PCDHGB2: variants seen among roughly 807,000 people sequenced by gnomAD.
PCDHGB2 encodes the protein protocadherin gamma subfamily B, 2.
A neutral mutation model predicts 59.3 loss-of-function variants in PCDHGB2; 55 were observed. The observed-to-expected ratio is 0.93, with a 90% confidence interval of 0.75 to 1.16. The LOEUF (loss-of-function observed/expected upper bound fraction) is 1.16, where lower values mean the gene tolerates loss of function less well. Among genes scored for constraint, PCDHGB2 ranks in the 50% most tolerant of loss-of-function variants. The pLI, the probability that PCDHGB2 is intolerant of heterozygous loss-of-function variation, is 0.00. For missense variants in PCDHGB2, 1,228 were observed against 1,198.5 expected, an observed-to-expected ratio of 1.02 and a Z score of -0.36; for synonymous variants, 516 against 512.0, an observed-to-expected ratio of 1.01 and a Z score of -0.11.
intron 1 of PCDHGB2, chr5:141,383,337 A>G (rs1185721914): frequency 6.2e-7 from 1 of 1,614,066 alleles, no homozygotes; most frequent in East Asian, 2.2e-5. Flanking sequence ...TGGAGAATAC[A>G]GCTCCTGGGG....
rs758982878 is a variant in PCDHGB2, at chr5:141,366,077, G to A, written c.2421+3521G>A. 1.9e-6 allele frequency: 3 copies of A among 1,614,248 alleles called. No individual in the cohort carries two copies. The South Asian group carries it at 3.3e-5, about 18-fold the overall frequency. ...CGTGGAGCTGGCGCCTCGCTCCGCA[G>A]AACCTGGCTACCTGGTGACCAAGGT... On this transcript the variant is annotated intron_variant, in intron 1 of 3. Coordinates refer to ENST00000522605, the MANE Select transcript of PCDHGB2 (RefSeq NM_018923.3).
At chr5:141,371,409 G>T in intron 1 of PCDHGB2, 2 of 1,614,022 alleles carry the variant, frequency 1.2e-6, no homozygotes, top group Non-Finnish European at 1.7e-6. Flanking sequence ...AGATATTTCA[G>T]ATGAAAATGA....
At chr5:141,371,579 T>C in intron 1 of PCDHGB2, 2 of 1,613,852 alleles carry the variant, frequency 1.2e-6, no homozygotes, top group Non-Finnish European at 1.7e-6. Context: ...TTAAAATCGT[T>C]CAAGATACCA....
intron 1 of PCDHGB2, among the ~76,000 whole-genome samples, chr5:141,435,500 A>G (rs896915416): frequency 6.6e-6 from 1 of 152,176 alleles, no homozygotes; most frequent in African/African-American, 2.4e-5. Context: ...TCCTACACTA[A>G]TGATACTAAT....
At chr5:141,424,357 G>A (rs1171882619) in intron 1 of PCDHGB2, 1 of 152,122 alleles carries the variant, frequency 6.6e-6, no homozygotes, top group Non-Finnish European at 1.5e-5. Context: ...ATAAAATTTA[G>A]ATCACATTTT....
intron 2 of PCDHGB2, among the ~76,000 whole-genome samples, chr5:141,502,408 G>A (rs1197275813): frequency 6.6e-6 from 1 of 151,782 alleles, no homozygotes; most frequent in Non-Finnish European, 1.5e-5. Context: ...CCCGAACCTG[G>A]ATTTGCTGGC....
intron 1 of PCDHGB2, chr5:141,442,367 T>C (rs1304138950): frequency 6.6e-6 from 1 of 152,282 alleles, no homozygotes; most frequent in Non-Finnish European, 1.5e-5. Flanking sequence ...TATGATGCCA[T>C]ATTCCTACCA....
At chr5:141,362,623 C>T in intron 1 of PCDHGB2, 67 bp downstream of exon 1, 1 of 1,521,620 alleles carries the variant, frequency 6.6e-7, no homozygotes, top group Non-Finnish European at 8.8e-7. Flanking sequence ...TAGGAAGTTC[C>T]ACTGCGTATT....
intron 1 of PCDHGB2, chr5:141,403,237 CTG>C (rs1436614562): frequency 1.2e-6 from 2 of 1,613,942 alleles, no homozygotes; most frequent in Admixed American, 1.7e-5. Flanking sequence ...GGGAGGAGCT[CTG>C]TGCTCAGAGC....
chr5:141,421,272 G>A, intron 1 of PCDHGB2: 1 of 1,612,340 alleles, frequency 6.2e-7, no homozygotes, highest in Non-Finnish European at 8.5e-7. Context: ...GGCTGCTGCT[G>A]CTGCTGTGCA....
At chr5:141,403,050 A>G in intron 1 of PCDHGB2, 2 of 1,614,060 alleles carry the variant, frequency 1.2e-6, no homozygotes, top group Non-Finnish European at 1.7e-6. Flanking sequence ...CAGATTCGCT[A>G]CTCAGTGCCT....
At chr5:141,374,898 G>T in intron 1 of PCDHGB2, 3 of 1,613,794 alleles carry the variant, frequency 1.9e-6, no homozygotes, top group Non-Finnish European at 2.5e-6. Context: ...CAGGATGAAG[G>T]AGTCCACGGG....
intron 1 of PCDHGB2, among the ~76,000 whole-genome samples, chr5:141,462,264 G>A (rs966953621): frequency 1.3e-5 from 2 of 152,174 alleles, no homozygotes; most frequent in African/African-American, 4.8e-5. Context: ...CCAGCCTAAA[G>A]TGTATTGTTT....
chr5:141,383,514 G>A (rs778204328), intron 1 of PCDHGB2: 2 of 1,612,718 alleles, frequency 1.2e-6, no homozygotes, highest in South Asian at 2.2e-5. Context: ...GGGAGGAAGA[G>A]CGGGTTCACC....
rs375810500 is a variant in PCDHGB2, at chr5:141,364,577, A to G, written c.2421+2021A>G. On this transcript the variant is annotated intron_variant, in intron 1 of 3. Coordinates refer to ENST00000522605, the MANE Select transcript of PCDHGB2 (RefSeq NM_018923.3). ...TTTTGCCCTGAACCCGCGAAGCGGCAGCTTGGTCACCGCGGGCAGGATAGA... is the reference window on the plus strand; with the variant it reads ...TTTTGCCCTGAACCCGCGAAGCGGCGGCTTGGTCACCGCGGGCAGGATAGA... The G allele has an allele frequency of 2.9e-4, 467 of 1,614,196 alleles. No individual in the cohort carries two copies. The highest frequency in any genetic ancestry group is 3.9e-4 in the Non-Finnish European group (459 of 1,179,998).
At chr5:141,451,832 G>A (rs1190124133) in intron 1 of PCDHGB2, among the ~76,000 whole-genome samples, 1 of 150,948 alleles carries the variant, frequency 6.6e-6, no homozygotes, top group Non-Finnish European at 1.5e-5. Context: ...AGTGAGCCGA[G>A]ATCACACCAC....
intron 1 of PCDHGB2, chr5:141,404,332 C>T (rs1257075931): frequency 6.2e-7 from 1 of 1,613,916 alleles, no homozygotes; most frequent in East Asian, 2.2e-5. Context: ...ACTCAGTCTA[C>T]CTCCCGGAAA....
intron 1 of PCDHGB2, chr5:141,409,940 C>G: frequency 6.2e-7 from 1 of 1,613,236 alleles, no homozygotes. Flanking sequence ...TATGGTACCT[C>G]GCTCTGCAGA....
chr5:141,392,916 G>A, intron 1 of PCDHGB2: 1 of 1,613,936 alleles, frequency 6.2e-7, no homozygotes, highest in Non-Finnish European at 8.5e-7. Context: ...TCGCTACTCT[G>A]TGCCAGAAGA....
Sources: allele counts gnomAD v4.1 joint callset (sites outside exome capture counted in the v4.1 genomes callset), GRCh38; gene constraint gnomAD v4.1.1; transcripts MANE v1.5; gene names NCBI Gene and HGNC (gene_info 2026-07-23, HGNC 2026-07-21).